Variants in RPIA observed in about 807,000 individuals in gnomAD.
The protein encoded by RPIA is ribose-5-phosphate isomerase.
RPIA carries 29 observed loss-of-function variants against 37.8 expected under a neutral mutation model. The observed-to-expected ratio is 0.77, with a 90% CI of 0.57 to 1.05. The LOEUF (loss-of-function observed/expected upper bound fraction) is 1.05. Among genes scored for constraint, RPIA ranks in the 50% least tolerant of loss-of-function variants. RPIA has a pLI of 0.00. For synonymous variants in RPIA, 167 were observed against 157.0 expected (o/e 1.06, Z -0.48); for missense variants, 385 against 413.6 (o/e 0.93, Z 0.60).
At chr2:88,698,393 A>C (rs1026574729) in intron 1 of RPIA, 91 bp from the exon 2 acceptor site, 2 of 1,134,692 alleles carry the variant, frequency 1.8e-6, no homozygotes, top group Non-Finnish European at 2.7e-6. Context: ...ATTGCTGTTC[A>C]TAATAATTTT....
chr2:88,723,661 G>T (rs1002229663), intron 3 of RPIA, among the ~76,000 whole-genome samples: 5 of 152,070 alleles, frequency 3.3e-5, no homozygotes, highest in Non-Finnish European at 7.4e-5. Context: ...TCCCTCTGTG[G>T]TTACCAAAAT....
In RPIA at chr2:88,713,153, C is replaced by CTTTTTTTTTT; in HGVS notation, c.402+13105_402+13114dup. Among the ~76,000 whole-genome samples, 19 of 24,298 alleles carry CTTTTTTTTTT rather than the reference C, an allele frequency of 7.8e-4. 2 individuals carry two copies. The highest frequency in any genetic ancestry group is 2.1e-3 in the Admixed American group (3 of 1,436). The allele number at this position is 24,298 out of a possible 152,430, so 15.9% of individuals were successfully genotyped here. On this transcript the variant is annotated intron_variant, in intron 3 of 8. Coordinates refer to ENST00000283646, the MANE Select transcript of RPIA (RefSeq NM_144563.3). ...TTTTTTTTTCAAGCTACGAGTAGGCCTTTTTTTTTTTTTTTTTTTTTTTTT... is the reference window on the plus strand; with the variant it reads ...TTTTTTTTTCAAGCTACGAGTAGGCCTTTTTTTTTTTTTTTTTTTTTTTTTTTTTTTTTTT...
rs1285971834 is a variant in RPIA, at chr2:88,691,830, G to C, written c.132G>C (p.Pro44=). 6.3e-7 allele frequency: 1 copy of C among 1,598,132 alleles called. No homozygotes were observed. Among genetic ancestry groups the C allele is most frequent in the South Asian group, 1.1e-5 (1 of 88,926 alleles). ...WDLPGSHVRL[P]GRAQSGTRGG... ...TCCCGGGTTCCCACGTGCGGCTGCC[G>C]GGGCGTGCACAGTCTGGGACCCGTG... Residue 44 remains proline (P), a synonymous_variant, in exon 1 of 9, where the codon CCG becomes CCC. Coordinates refer to ENST00000283646, the MANE Select transcript of RPIA (RefSeq NM_144563.3).
At chr2:88,701,451 A>T (rs1672829891) in intron 3 of RPIA, among the ~76,000 whole-genome samples, 1 of 152,114 alleles carries the variant, frequency 6.6e-6, no homozygotes, top group Non-Finnish European at 1.5e-5. Context: ...TGGATTGAAG[A>T]AACAAATAAT....
Position 88,691,731 on chromosome 2 carries a change from C to A in RPIA, c.33C>A (p.Tyr11Ter). The change falls in exon 1 of 9, where the codon TAC becomes TAA. Residue 11 changes from tyrosine to a stop codon, truncating the protein, a stop_gained. Coordinates refer to ENST00000283646, the MANE Select transcript of RPIA (RefSeq NM_144563.3). LOFTEE classifies it high-confidence loss of function. ...GCCCCGGGCCCTTCAGCACCCTCTACGGGCGGGTCTTGGCCCCGCTGCCCG... is the reference window on the plus strand; with the variant it reads ...GCCCCGGGCCCTTCAGCACCCTCTAAGGGCGGGTCTTGGCCCCGCTGCCCG... MQRPGPFSTL[Y>*]GRVLAPLPGR... 2 of 1,593,718 alleles carry A rather than the reference C, an allele frequency of 1.3e-6. No individual in the cohort carries two copies. Among genetic ancestry groups the A allele is most frequent in the Non-Finnish European group, 1.7e-6 (2 of 1,175,156 alleles).
intron 3 of RPIA, among the ~76,000 whole-genome samples, chr2:88,717,215 G>A (rs1244809153): frequency 6.6e-6 from 1 of 152,072 alleles, no homozygotes; most frequent in African/African-American, 2.4e-5. Context: ...GTTAAATTTT[G>A]TGAACCCCCA....
At chr2:88,714,195 G>C (rs1056972736) in intron 3 of RPIA, among the ~76,000 whole-genome samples, 2 of 151,432 alleles carry the variant, frequency 1.3e-5, no homozygotes, top group Non-Finnish European at 2.9e-5. Context: ...TTTTTAGATG[G>C]AGTTTCACTC....
At chr2:88,709,306 G>A (rs186717985) in intron 3 of RPIA, among the ~76,000 whole-genome samples, 414 of 152,346 alleles carry the variant, frequency 2.7e-3, no homozygotes, top group Non-Finnish European at 5.1e-3. Flanking sequence ...TCAACTCAGT[G>A]AGAGAACATT....
At chr2:88,748,544 C>A (rs946887635) in intron 8 of RPIA, among the ~76,000 whole-genome samples, 2 of 152,132 alleles carry the variant, frequency 1.3e-5, no homozygotes, top group Non-Finnish European at 2.9e-5. Flanking sequence ...TCCATTATAC[C>A]TTTTCTCTTA....
intron 3 of RPIA, among the ~76,000 whole-genome samples, chr2:88,716,110 T>G (rs1673032763): frequency 6.6e-6 from 1 of 152,216 alleles, no homozygotes; most frequent in African/African-American, 2.4e-5. Context: ...ATCTGATTGC[T>G]TCCTCTACCC....
At chr2:88,748,427 T>C (rs1323572301) in intron 8 of RPIA, among the ~76,000 whole-genome samples, 1 of 152,242 alleles carries the variant, frequency 6.6e-6, no homozygotes, top group Non-Finnish European at 1.5e-5. Flanking sequence ...AAAGGATTAA[T>C]GTGTCTGTGA....
intron 4 of RPIA, 90 bp from the exon 5 acceptor site, chr2:88,734,462 C>T: frequency 8.2e-7 from 1 of 1,226,796 alleles, no homozygotes; most frequent in South Asian, 1.2e-5. Flanking sequence ...AACAGGGCTG[C>T]TGAGTATCTG....
chr2:88,701,189 C>G (rs1672827314), intron 3 of RPIA, among the ~76,000 whole-genome samples: 1 of 151,304 alleles, frequency 6.6e-6, no homozygotes, highest in African/African-American at 2.4e-5. Flanking sequence ...TCTTGGAGAC[C>G]TTAAACAAGG....
At chr2:88,699,938 G>A (rs2104074695) in intron 2 of RPIA, 71 bp from the exon 3 acceptor site, 2 of 1,519,602 alleles carry the variant, frequency 1.3e-6, no homozygotes, top group Non-Finnish European at 1.8e-6. Flanking sequence ...TTGGTTTCGA[G>A]CAAACACATA....
intron 8 of RPIA, among the ~76,000 whole-genome samples, chr2:88,747,565 T>C (rs1673454161): frequency 6.6e-6 from 1 of 152,176 alleles, no homozygotes; most frequent in South Asian, 2.1e-4. Context: ...TGCCTTTTTT[T>C]CCCGAAGGAC....
chr2:88,747,810 G>GT (rs1480756158), intron 8 of RPIA, among the ~76,000 whole-genome samples: 2 of 152,162 alleles, frequency 1.3e-5, no homozygotes, highest in Non-Finnish European at 2.9e-5. Context: ...GGAACTCACA[G>GT]TTTTTTGGCT....
intron 8 of RPIA, among the ~76,000 whole-genome samples, chr2:88,743,709 G>A (rs758008986): frequency 1.6e-4 from 25 of 151,788 alleles, no homozygotes; most frequent in Non-Finnish European, 3.4e-4. Context: ...TTTCAGTGTC[G>A]CTGCTTGTTA....
At chr2:88,720,956 G>C in intron 3 of RPIA, among the ~76,000 whole-genome samples, 1 of 152,162 alleles carries the variant, frequency 6.6e-6, no homozygotes, top group East Asian at 1.9e-4. Flanking sequence ...CAAAGACTTG[G>C]AACCAGCCCA....
At chr2:88,697,339 A>G (rs531937733) in intron 1 of RPIA, among the ~76,000 whole-genome samples, 2 of 152,264 alleles carry the variant, frequency 1.3e-5, no homozygotes, top group Non-Finnish European at 2.9e-5. Flanking sequence ...TTGGCTTTAT[A>G]TTAACATTTA....
Sources: gnomAD v4.1 joint callset for allele counts (sites outside exome capture counted in the v4.1 genomes callset) on GRCh38, gnomAD v4.1.1 for gene constraint, MANE v1.5 for transcripts, NCBI Gene and HGNC (gene_info 2026-07-23, HGNC 2026-07-21) for gene names.